WNT3: variants seen among roughly 807,000 people sequenced by gnomAD.
WNT3 encodes the protein proto-oncogene Wnt-3.
In WNT3, 7 loss-of-function variants were observed where a neutral mutation model predicts 34.2. The ratio of observed to expected loss-of-function variants is 0.20; its 90% CI spans 0.12 to 0.38. WNT3 has a LOEUF of 0.38. Among genes scored for constraint, WNT3 ranks in the 10% least tolerant of loss-of-function variants. The pLI is 1.00. For synonymous variants in WNT3, 212 were observed against 211.5 expected, an observed-to-expected ratio of 1.00 and a Z score of -0.02; for missense variants, 267 against 499.8, an observed-to-expected ratio of 0.53 and a Z score of 4.44.
At chr17:46,790,624 C>G (rs974711214) in intron 1 of WNT3, among the ~76,000 whole-genome samples, 2 of 152,180 alleles carry the variant, frequency 1.3e-5, no homozygotes, top group African/African-American at 2.4e-5. Context: ...ATCAACCCGT[C>G]CCCTGTTTTC....
At chr17:46,771,730 G>C (rs1423317359) in intron 2 of WNT3, among the ~76,000 whole-genome samples, 11 of 137,860 alleles carry the variant, frequency 8.0e-5, no homozygotes, top group Non-Finnish European at 1.6e-4. Context: ...GCCGGGCCGC[G>C]AAATCCCCAT....
chr17:46,806,431 A>G (rs1046334608), intron 1 of WNT3, among the ~76,000 whole-genome samples: 1 of 149,962 alleles, frequency 6.7e-6, no homozygotes, highest in African/African-American at 2.5e-5. Flanking sequence ...CTGGCCTCAA[A>G]CTCCCAACCT....
chr17:46,809,271 G>A (rs1316778461), intron 1 of WNT3, among the ~76,000 whole-genome samples: 2 of 152,134 alleles, frequency 1.3e-5, no homozygotes, highest in Non-Finnish European at 2.9e-5. Context: ...TGATTGGTGG[G>A]AGCTGGAGAG....
At chr17:46,810,075 C>T (rs1243241427) in intron 1 of WNT3, among the ~76,000 whole-genome samples, 1 of 146,386 alleles carries the variant, frequency 6.8e-6, no homozygotes. Context: ...GGTGCAATCT[C>T]GGCTCACTGC....
intron 2 of WNT3, 87 bp from the exon 3 acceptor site, chr17:46,770,135 G>A: frequency 2.8e-6 from 4 of 1,449,278 alleles, no homozygotes; most frequent in Non-Finnish European, 2.7e-6. Context: ...GGACGTGAGG[G>A]GAACGAGGCC....
At chr17:46,816,339 C>T (rs142698025) in intron 1 of WNT3, among the ~76,000 whole-genome samples, 329 of 151,944 alleles carry the variant, frequency 2.2e-3, no homozygotes, top group African/African-American at 7.6e-3. Flanking sequence ...CACAACCTGT[C>T]GTGGGCATGG....
At position 46,769,952 on chromosome 17, in the gene WNT3, C is replaced by G. The variant is rs1237548572; in HGVS notation, c.419G>C (p.Gly140Ala). The change falls in exon 3 of 5, where the codon GGC becomes GCC. Residue 140 changes from glycine to alanine, a missense_variant. Physicochemically the swap from Gly to Ala is moderately conservative, Grantham distance 60. Transcript: ENST00000225512. ...SCAEGTSTIC[G>A]CDSHHKGPPG... ...CGGCCCCTTATGATGCGAGTCACAG[C>G]CGCAAATGGTGGAGGTGCCCTCGGC... 1 of 1,613,102 alleles carries G rather than the reference C, an allele frequency of 6.2e-7. No homozygotes were observed. Among genetic ancestry groups the G allele is most frequent in the South Asian group, 1.1e-5 (1 of 91,026 alleles).
At chr17:46,788,533 T>C (rs2083936343) in intron 1 of WNT3, among the ~76,000 whole-genome samples, 2 of 152,208 alleles carry the variant, frequency 1.3e-5, no homozygotes, top group Non-Finnish European at 2.9e-5. Context: ...CAAGGTCCCA[T>C]GTTTAAATCC....
At chr17:46,818,423 C>T in intron 1 of WNT3, 95 bp downstream of exon 1, 1 of 1,282,312 alleles carries the variant, frequency 7.8e-7, no homozygotes, top group East Asian at 2.5e-5. Flanking sequence ...GAGAGGAGCC[C>T]CAGCCCTGCA....
chr17:46,809,473 AAC>A (rs1319738134), intron 1 of WNT3, among the ~76,000 whole-genome samples: 2 of 152,066 alleles, frequency 1.3e-5, no homozygotes, highest in Non-Finnish European at 2.9e-5. Flanking sequence ...CCCCCTCCCC[AAC>A]ACACACGTAC....
rs2059338520 is a variant in WNT3 at position 46,768,979 on chromosome 17, C to G, written c.589-180G>C. Among the ~76,000 whole-genome samples, 1 of 152,212 alleles carries G rather than the reference C, an allele frequency of 6.6e-6. No homozygotes were observed. The highest frequency in any genetic ancestry group is 1.5e-5 in the Non-Finnish European group (1 of 68,042). On this transcript the variant is annotated intron_variant, in intron 3 of 4. Coordinates refer to ENST00000225512, the MANE Select transcript of WNT3 (RefSeq NM_030753.5). The surrounding 1 kb of genome is among the most constrained non-coding windows in gnomAD (Gnocchi z 5.0). Reference sequence around the variant, plus strand: ...AGAATAGTGACCATGTTTCCCTCCCCCTTCACACCCCAAGCATGGGTAGAC... The same window carrying G: ...AGAATAGTGACCATGTTTCCCTCCCGCTTCACACCCCAAGCATGGGTAGAC...
chr17:46,812,879 G>A (rs2084294350), intron 1 of WNT3, among the ~76,000 whole-genome samples: 1 of 152,124 alleles, frequency 6.6e-6, no homozygotes, highest in African/African-American at 2.4e-5. Flanking sequence ...ATTCTAAGAA[G>A]TATTCACTCA....
chr17:46,771,368 G>A (rs773334519), intron 2 of WNT3, among the ~76,000 whole-genome samples: 10 of 151,854 alleles, frequency 6.6e-5, no homozygotes, highest in African/African-American at 2.4e-4. Flanking sequence ...GGGGCGCCTC[G>A]GGGAAGAGGG....
rs550129158 is a variant in WNT3, at chr17:46,816,104, C to T, written c.80+2414G>A. ...CCCCACACTGTCATGAAGGCATGCG[C>T]GCGCACGTACACACACACACACACA... On this transcript the variant is annotated intron_variant, in intron 1 of 4. Coordinates refer to ENST00000225512, the MANE Select transcript of WNT3 (RefSeq NM_030753.5). Among the ~76,000 whole-genome samples, 7 of 151,578 alleles carry T rather than the reference C, an allele frequency of 4.6e-5. No homozygotes were observed. The South Asian group carries it at 6.2e-4, about 13-fold the overall frequency.
At chr17:46,777,216 A>AAAAAAG (rs1227316878) in intron 1 of WNT3, among the ~76,000 whole-genome samples, 26 of 152,332 alleles carry the variant, frequency 1.7e-4, no homozygotes, top group African/African-American at 5.5e-4. Flanking sequence ...TCTCAAAAAA[A>AAAAAAG]AAAAAGAAAA....
chr17:46,804,697 A>C (rs1440185141), intron 1 of WNT3, among the ~76,000 whole-genome samples: 1 of 152,244 alleles, frequency 6.6e-6, no homozygotes, highest in African/African-American at 2.4e-5. Context: ...ATGAGAGATG[A>C]GGCCAGCCGG....
chr17:46,796,136 C>T (rs2084051148), intron 1 of WNT3, among the ~76,000 whole-genome samples: 1 of 152,204 alleles, frequency 6.6e-6, no homozygotes, highest in Admixed American at 6.5e-5. Flanking sequence ...GATCTTATTG[C>T]TACCACCCAT....
intron 1 of WNT3, among the ~76,000 whole-genome samples, chr17:46,796,066 G>A (rs957500554): frequency 2.6e-5 from 4 of 152,174 alleles, no homozygotes; most frequent in Admixed American, 6.5e-5. Context: ...TCCGCAGGTG[G>A]TAGGTGGCAC....
chr17:46,796,831 T>C (rs2084060137), intron 1 of WNT3, among the ~76,000 whole-genome samples: 2 of 152,176 alleles, frequency 1.3e-5, no homozygotes, highest in Admixed American at 1.3e-4. Flanking sequence ...CCTGAGTGCA[T>C]TCATTCATTC....
Sources: allele counts gnomAD v4.1 joint callset (sites outside exome capture counted in the v4.1 genomes callset), GRCh38; gene constraint gnomAD v4.1.1; non-coding constraint Gnocchi (gnomAD v3.1); transcripts MANE v1.5; gene names NCBI Gene and HGNC (gene_info 2026-07-23, HGNC 2026-07-21).